Variants in VPS13D observed in about 807,000 individuals in gnomAD.
VPS13D encodes the protein intermembrane lipid transfer protein VPS13D.
Under a neutral mutation model 461.9 loss-of-function variants are expected in VPS13D, and 187 were observed. That is an observed-to-expected ratio of 0.40 (90% confidence interval 0.36 to 0.46). VPS13D has a LOEUF of 0.46. Among genes scored for constraint, VPS13D ranks in the 20% least tolerant of loss-of-function variants. The pLI is 0.60. For synonymous variants in VPS13D, 1,951 were observed against 1,986.3 expected (o/e 0.98, Z 0.47); for missense variants, 4,711 against 5,364.9 (o/e 0.88, Z 3.81).
rs372393698 is a variant in VPS13D at position 12,414,399 on chromosome 1, G to C, written c.12031-688G>C. Reference sequence around the variant, plus strand: ...ATCAACAATGGTGGTTAAATACATTGTTTTATTCTTGCAATGGAGTATTTA... The same window carrying C: ...ATCAACAATGGTGGTTAAATACATTCTTTTATTCTTGCAATGGAGTATTTA... On this transcript the variant is annotated intron_variant, in intron 63 of 69. Transcript: ENST00000620676. 2.6e-4 allele frequency among the ~76,000 whole-genome samples: 40 copies of C among 152,234 alleles called. 3 individuals are homozygous for C. The highest frequency in any genetic ancestry group is 2.1e-3 in the Admixed American group (32 of 15,296).
chr1:12,257,210 T>C, intron 9 of VPS13D, 123 bp downstream of exon 9: 1 of 809,512 alleles, frequency 1.2e-6, no homozygotes. Context: ...AGTTGATTTT[T>C]CTGGTCCTTG....
rs148283673 is a variant in VPS13D at position 12,321,944 on chromosome 1, G to A, written c.7684G>A (p.Asp2562Asn). 9.9e-6 allele frequency: 16 copies of A among 1,613,236 alleles called. No individual in the cohort carries two copies. The highest frequency in any genetic ancestry group is 3.3e-5 in the Admixed American group (2 of 59,778). ...ATTGATGGATGCATTCAATAGTGAA[G>A]ATTTCCCACCTGTCCTGGAGGTAAT... ...SGLMDAFNSE[D>N]FPPVLEIQLQ... The change falls in exon 33 of 70, where the codon GAT (aspartate) becomes AAT (asparagine). Residue 2562 changes from aspartate (D) to asparagine (N), a missense_variant. Physicochemically the swap from Asp to Asn is conservative, Grantham distance 23. Around this residue, in one of 3 missense-constraint regions of VPS13D, gnomAD observed 4,411 missense variants for 4,937.8 expected, o/e 0.89. Coordinates refer to ENST00000620676, the MANE Select transcript of VPS13D (RefSeq NM_015378.4).
At chr1:12,419,073 G>T (rs1439546720) in intron 65 of VPS13D, among the ~76,000 whole-genome samples, 5 of 152,158 alleles carry the variant, frequency 3.3e-5, no homozygotes, top group Admixed American at 2.0e-4. Flanking sequence ...AAGCTTGAGG[G>T]TCAGCATGAG....
At chr1:12,334,218 A>T (rs1017393670) in intron 38 of VPS13D, among the ~76,000 whole-genome samples, 1 of 152,226 alleles carries the variant, frequency 6.6e-6, no homozygotes, top group African/African-American at 2.4e-5. Flanking sequence ...ACCACTGTTT[A>T]TATGATCAGA....
At position 12,369,690 on chromosome 1, in the gene VPS13D, A is replaced by G. The variant is rs759703651; in HGVS notation, c.10796A>G (p.Tyr3599Cys). Residue 3599 changes from tyrosine to cysteine, a missense_variant, in exon 54 of 70, where the codon TAT (tyrosine) becomes TGT (cysteine). Physicochemically the swap from Tyr to Cys is radical, Grantham distance 194 (BLOSUM62 -2). This residue lies in a region of VPS13D where 4,411 missense variants were observed against 4,937.8 expected (regional missense o/e 0.89). Transcript: ENST00000620676. ...YENFIYIAAT[Y>C]TFSGLQEGTG... Reference sequence around the variant, plus strand: ...AATTTCATTTACATTGCTGCTACATATACATTCTCTGGGTAATTCTTGATT... The same window carrying G: ...AATTTCATTTACATTGCTGCTACATGTACATTCTCTGGGTAATTCTTGATT... 1 of 1,613,824 alleles carries G rather than the reference A, an allele frequency of 6.2e-7. No individual in the cohort carries two copies. Among genetic ancestry groups the G allele is most frequent in the Non-Finnish European group, 8.5e-7 (1 of 1,179,732 alleles).
At chr1:12,449,523 T>G (rs965808498) in intron 65 of VPS13D, among the ~76,000 whole-genome samples, 17 of 152,202 alleles carry the variant, frequency 1.1e-4, no homozygotes, top group Admixed American at 2.6e-4. Context: ...CACATTTTCC[T>G]TTAACTCTTC....
chr1:12,352,971 A>AAAAAAG (rs1643830950), intron 46 of VPS13D, among the ~76,000 whole-genome samples: 1 of 123,890 alleles, frequency 8.1e-6, no homozygotes, highest in Non-Finnish European at 1.7e-5. Context: ...GTCTCAAAAA[A>AAAAAAG]AAAAAAAAAA....
At chr1:12,408,510 C>A (rs1015728135) in intron 63 of VPS13D, among the ~76,000 whole-genome samples, 3 of 152,046 alleles carry the variant, frequency 2.0e-5, no homozygotes, top group Non-Finnish European at 4.4e-5. Context: ...ATTATAGGTG[C>A]GTGCCACCAT....
chr1:12,511,618 A>G lies in VPS13D; in HGVS notation c.*2594A>G, dbSNP rs1388202497. The G allele has an allele frequency of 1.3e-5, 2 of 152,272 alleles. No individual in the cohort carries two copies. Among genetic ancestry groups the G allele is most frequent in the Non-Finnish European group, 2.9e-5 (2 of 68,050 alleles). The allele number at this position is 152,272 out of a possible 1,614,324, so 9.4% of individuals were successfully genotyped here. Reference sequence around the variant, plus strand: ...TAAATGGAATAAGAGTAAATTGGGTAAGGAGATATCCAAAGCTACCCAGTC... The same window carrying G: ...TAAATGGAATAAGAGTAAATTGGGTGAGGAGATATCCAAAGCTACCCAGTC... On this transcript the variant is annotated 3_prime_UTR_variant, in exon 70 of 70. Transcript: ENST00000620676. This position sits in a 1 kb window ranked among gnomAD's most constrained non-coding sequence, Gnocchi z 4.5.
chr1:12,314,437 A>G (rs1348300446), intron 30 of VPS13D, 110 bp downstream of exon 30: 1 of 1,036,732 alleles, frequency 9.6e-7, no homozygotes, highest in East Asian at 2.6e-5. Context: ...TAGACAGATA[A>G]ATAGATAATG....
Position 12,356,472 on chromosome 1 carries a change from C to T in VPS13D, c.9946C>T (p.Arg3316Cys), listed in dbSNP as rs375721870. The part of the protein sequence containing the change: ...AGQFEEHELA[R>C]SLSPLLFCYA... ...CCAGTTTGAGGAGCATGAGCTGGCC[C>T]GTAGCCTGAGTCCTCTCTTATTCTG... The change falls in exon 49 of 70, where the codon CGT becomes TGT. Residue 3316 changes from arginine (R) to cysteine (C), a missense_variant. Around this residue, in one of 3 missense-constraint regions of VPS13D, gnomAD observed 4,411 missense variants for 4,937.8 expected, o/e 0.89. Transcript: ENST00000620676. The T allele has an allele frequency of 5.0e-6, 8 of 1,613,952 alleles. No individual in the cohort carries two copies. The highest frequency in any genetic ancestry group is 4.0e-5 in the African/African-American group (3 of 74,924).
In VPS13D at chr1:12,305,736, TGA is replaced by T. The variant is rs528011662; in HGVS notation, c.6439+1014_6439+1015del. ...ACTTTGCAAGATGCAGGACACTAGCTGAGAGAGGCTGCTGAGTGTCTTGTTAC... is the reference window on the plus strand; with the variant it reads ...ACTTTGCAAGATGCAGGACACTAGCTGAGAGGCTGCTGAGTGTCTTGTTAC... On this transcript the variant is annotated intron_variant, in intron 26 of 69. Coordinates refer to ENST00000620676, the MANE Select transcript of VPS13D (RefSeq NM_015378.4). 2.1e-4 allele frequency among the ~76,000 whole-genome samples: 32 copies of T among 152,318 alleles called. 1 individual carries two copies. In the East Asian group the frequency reaches 5.8e-3, roughly 28 times the overall value.
intron 1 of VPS13D, among the ~76,000 whole-genome samples, chr1:12,231,363 A>G (rs1557652978): frequency 6.6e-6 from 1 of 152,224 alleles, no homozygotes; most frequent in Non-Finnish European, 1.5e-5. Flanking sequence ...AGAGCAAATA[A>G]TGGGTGCTTT....
In VPS13D at chr1:12,242,502, T is replaced by A. The variant is rs1295347025; in HGVS notation, c.98-11T>A. The A allele has an allele frequency of 5.0e-6, 8 of 1,612,364 alleles. No individual in the cohort carries two copies. The highest frequency in any genetic ancestry group is 1.3e-5 in the African/African-American group (1 of 74,902). ...TAAATGGATATTTCATGATGCTGTT[T>A]TTATTTTTAGGTGCTGTTGAATTAG... On this transcript the variant is annotated splice_polypyrimidine_tract_variant and intron_variant, in intron 2 of 69. Coordinates refer to ENST00000620676, the MANE Select transcript of VPS13D (RefSeq NM_015378.4).
intron 29 of VPS13D, 57 bp from the exon 30 acceptor site, chr1:12,314,058 T>C: frequency 2.6e-6 from 4 of 1,510,234 alleles, no homozygotes; most frequent in Non-Finnish European, 3.6e-6. Context: ...TTATATACTT[T>C]TGTAAAATGG....
In VPS13D at chr1:12,492,614, C is replaced by T. The variant is rs958666429; in HGVS notation, c.12663-4886C>T. On this transcript the variant is annotated intron_variant, in intron 67 of 69. Transcript: ENST00000620676. ...AGTTTGGATTATCTTGTTAAGTGAA[C>T]GTTTATATCTTGTGAGCCAGCAAAT... Among the ~76,000 whole-genome samples the T allele has an allele frequency of 3.9e-5, 6 of 152,162 alleles. No individual in the cohort carries two copies. The East Asian group carries it at 5.8e-4, about 15-fold the overall frequency.
At chr1:12,423,214 A>G (rs1269495658) in intron 65 of VPS13D, among the ~76,000 whole-genome samples, 1 of 152,206 alleles carries the variant, frequency 6.6e-6, no homozygotes, top group African/African-American at 2.4e-5. Flanking sequence ...TATGTAAATG[A>G]AGAAACTGAG....
chr1:12,230,060 G>A lies in VPS13D; in HGVS notation c.-137G>A, dbSNP rs1028112042. 11 of 152,046 alleles carry A rather than the reference G, an allele frequency of 7.2e-5. No individual in the cohort carries two copies. The South Asian group carries it at 8.3e-4, about 11-fold the overall frequency. 9.4% of individuals were successfully genotyped at this position (152,046 alleles called of 1,614,324 possible). A position where few individuals can be genotyped will look rare whatever the true frequency, so the allele number is the denominator to read the frequency against. ...CGCCGCGGGCCTGCGCCATTGAGGAGCGGCGGGGAGGAAACGCCGCGCAGC... is the reference window on the plus strand; with the variant it reads ...CGCCGCGGGCCTGCGCCATTGAGGAACGGCGGGGAGGAAACGCCGCGCAGC... On this transcript the variant is annotated 5_prime_UTR_variant, in exon 1 of 70. Coordinates refer to ENST00000620676, the MANE Select transcript of VPS13D (RefSeq NM_015378.4).
intron 67 of VPS13D, among the ~76,000 whole-genome samples, chr1:12,491,984 C>T (rs1307701051): frequency 1.5e-4 from 23 of 152,196 alleles, no homozygotes; most frequent in Non-Finnish European, 5.9e-5. Context: ...TGAACAGACT[C>T]CTAGGTTGAG....
Sources: allele counts gnomAD v4.1 joint callset (sites outside exome capture counted in the v4.1 genomes callset), GRCh38; gene constraint gnomAD v4.1.1; regional missense constraint gnomAD v4.1.1; non-coding constraint Gnocchi (gnomAD v3.1); transcripts MANE v1.5; gene names NCBI Gene and HGNC (gene_info 2026-07-23, HGNC 2026-07-21).